HDAC9: variants seen among roughly 807,000 people sequenced by gnomAD.
HDAC9 encodes histone deacetylase 9, also known as MEF-2 interacting transcription repressor (MITR) protein.
HDAC9 carries 41 observed loss-of-function variants against 139.4 expected under a neutral mutation model. The ratio of observed to expected loss-of-function variants is 0.29; its 90% CI spans 0.23 to 0.38. HDAC9 has a LOEUF of 0.38. HDAC9 is among the 10% of genes least tolerant of loss of function. The pLI, the probability that HDAC9 is intolerant of heterozygous loss-of-function variation, is 1.00. For synonymous variants in HDAC9, 517 were observed against 476.2 expected, an observed-to-expected ratio of 1.09 and a Z score of -1.12; for missense variants, 1,147 against 1,297.0, an observed-to-expected ratio of 0.88 and a Z score of 1.78.
chr7:18,837,743 A>AT (rs904245607), intron 21 of HDAC9, among the ~76,000 whole-genome samples: 2 of 152,038 alleles, frequency 1.3e-5, no homozygotes, highest in African/African-American at 4.8e-5. Context: ...GGTGGATGAG[A>AT]TTTTTTTCTA....
chr7:18,324,162 G>A (rs1192707606), intron 1 of HDAC9, among the ~76,000 whole-genome samples: 4 of 152,070 alleles, frequency 2.6e-5, no homozygotes, highest in African/African-American at 7.2e-5. Context: ...TACACAAAGT[G>A]GAGGGGAGTC....
intron 1 of HDAC9, among the ~76,000 whole-genome samples, chr7:18,113,258 A>G (rs1256211190): frequency 6.6e-6 from 1 of 152,222 alleles, no homozygotes; most frequent in East Asian, 1.9e-4. Flanking sequence ...ATAGATTAAG[A>G]GGTGAATACT....
chr7:18,446,929 C>A (rs756470056), intron 1 of HDAC9, among the ~76,000 whole-genome samples: 5 of 151,996 alleles, frequency 3.3e-5, no homozygotes, highest in Non-Finnish European at 7.4e-5. Context: ...TTTTTCACTA[C>A]TATGAAAAAA....
chr7:18,855,455 A>C (rs192508490), intron 21 of HDAC9, among the ~76,000 whole-genome samples: 1 of 151,890 alleles, frequency 6.6e-6, no homozygotes, highest in East Asian at 2.0e-4. Context: ...CCTCATTTCT[A>C]TCATTGCTAG....
At chr7:18,438,300 T>TA (rs1473827941) in intron 1 of HDAC9, among the ~76,000 whole-genome samples, 1 of 152,024 alleles carries the variant, frequency 6.6e-6, no homozygotes, top group African/African-American at 2.4e-5. Context: ...TGAGGATTGA[T>TA]AAAAAATCTA....
At chr7:18,489,310 G>A (rs1171350683) in intron 1 of HDAC9, among the ~76,000 whole-genome samples, 1 of 151,820 alleles carries the variant, frequency 6.6e-6, no homozygotes, top group African/African-American at 2.4e-5. Flanking sequence ...AATTTATACA[G>A]TTTCTTAGAA....
chr7:18,729,137 A>G (rs1021090962), intron 13 of HDAC9, among the ~76,000 whole-genome samples: 2 of 152,180 alleles, frequency 1.3e-5, no homozygotes, highest in Non-Finnish European at 2.9e-5. Flanking sequence ...TTTTGCATGT[A>G]GAAAGAGCAA....
intron 2 of HDAC9, among the ~76,000 whole-genome samples, chr7:18,247,900 C>G (rs1168473844): frequency 6.6e-6 from 1 of 152,052 alleles, no homozygotes; most frequent in African/African-American, 2.4e-5. Flanking sequence ...TAAAAACTAT[C>G]CTGTAAAGGT....
chr7:18,869,838 C>T (rs914089953), intron 21 of HDAC9, among the ~76,000 whole-genome samples: 8 of 151,616 alleles, frequency 5.3e-5, no homozygotes, highest in Non-Finnish European at 1.2e-4. Flanking sequence ...CTTCTGTGGT[C>T]CCATGAACGC....
chr7:18,230,782 A>C (rs1473597132), intron 2 of HDAC9, among the ~76,000 whole-genome samples: 13 of 152,198 alleles, frequency 8.5e-5, no homozygotes, highest in Admixed American at 8.5e-4. Flanking sequence ...TGATTTTAAA[A>C]GCCTATCATC....
chr7:18,995,006 G>C (rs1049768820), intron 25 of HDAC9, among the ~76,000 whole-genome samples: 1 of 152,176 alleles, frequency 6.6e-6, no homozygotes, highest in African/African-American at 2.4e-5. Context: ...GGCAACATGA[G>C]TTTATGCATG....
At chr7:18,313,272 A>G (rs1284608419) in intron 1 of HDAC9, among the ~76,000 whole-genome samples, 1 of 152,200 alleles carries the variant, frequency 6.6e-6, no homozygotes, top group African/African-American at 2.4e-5. Flanking sequence ...GTAGAAATGT[A>G]TAGATAAGTG....
At chr7:18,687,824 C>A (rs1313980274) in intron 12 of HDAC9, among the ~76,000 whole-genome samples, 2 of 151,754 alleles carry the variant, frequency 1.3e-5, no homozygotes, top group Non-Finnish European at 3.0e-5. Context: ...ACAAGGGAAA[C>A]ATTTTTCTTC....
intron 4 of HDAC9, 104 bp downstream of exon 4, chr7:18,590,590 ATC>A (rs1370424568): frequency 2.7e-6 from 3 of 1,121,332 alleles, no homozygotes; most frequent in Non-Finnish European, 3.7e-6. Context: ...CGTCAAAATT[ATC>A]TGTGTTTAAT....
rs1354984920 is a variant in HDAC9 at position 18,552,105 on chromosome 7, G to T, written c.23-33176G>T. Among the ~76,000 whole-genome samples the T allele has an allele frequency of 1.3e-5, 2 of 151,970 alleles. 1 individual carries two copies. On this transcript the variant is annotated intron_variant, in intron 2 of 25. Coordinates refer to ENST00000686413, the MANE Select transcript of HDAC9 (RefSeq NM_178425.4). The stretch of plus-strand genomic sequence containing the variant: ...TAGTAACTGTGATTAAAATTATACA[G>T]GAATTCATTTCAAACTGTGACAAAT...
chr7:18,968,200 G>T (rs1300936800), intron 24 of HDAC9, among the ~76,000 whole-genome samples: 3 of 152,100 alleles, frequency 2.0e-5, no homozygotes, highest in Non-Finnish European at 4.4e-5. Flanking sequence ...CAGCAAGACA[G>T]TTCAAAATTT....
chr7:18,831,791 G>A (rs61141393), intron 19 of HDAC9, among the ~76,000 whole-genome samples: 2,417 of 151,472 alleles, frequency 0.016, 80 homozygotes, highest in African/African-American at 0.055. Context: ...TGGCTTTTCC[G>A]TAGCCAAAAA....
At chr7:18,183,952 C>A (rs1398393734) in intron 2 of HDAC9, among the ~76,000 whole-genome samples, 1 of 152,116 alleles carries the variant, frequency 6.6e-6, no homozygotes, top group Admixed American at 6.6e-5. Context: ...ATTAAATAAT[C>A]CAGGAAAATA....
chr7:18,587,186 T>G (rs1295343017), intron 3 of HDAC9, among the ~76,000 whole-genome samples: 1 of 152,158 alleles, frequency 6.6e-6, no homozygotes, highest in Non-Finnish European at 1.5e-5. Flanking sequence ...AGAAATTTAT[T>G]GCTTAATTTT....
Sources: allele counts gnomAD v4.1 joint callset (sites outside exome capture counted in the v4.1 genomes callset), GRCh38; gene constraint gnomAD v4.1.1; transcripts MANE v1.5; gene names NCBI Gene and HGNC (gene_info 2026-07-23, HGNC 2026-07-21).